The following NRK variants were observed in gnomAD, a reference collection of about 807,000 sequenced individuals.
NRK encodes the protein Nik related kinase.
NRK carries 67 observed loss-of-function variants against 125.2 expected under a neutral mutation model. The ratio of observed to expected loss-of-function variants is 0.54; its 90% CI spans 0.44 to 0.66. The LOEUF (loss-of-function observed/expected upper bound fraction) is 0.66, where lower values mean the gene tolerates loss of function less well. Among genes scored for constraint, NRK ranks in the 30% least tolerant of loss-of-function variants. The pLI is 0.00. For synonymous variants in NRK, 458 were observed against 429.0 expected, an observed-to-expected ratio of 1.07 and a Z score of -0.84; for missense variants, 1,224 against 1,192.9, an observed-to-expected ratio of 1.03 and a Z score of -0.38.
chrX:105,930,559 G>A (rs1349815192), intron 19 of NRK, among the ~76,000 whole-genome samples: 1 of 110,143 alleles, frequency 9.1e-6, no homozygotes, highest in African/African-American at 3.3e-5. Context: ...TTCCTTTTCT[G>A]GCACTTCACT....
At chrX:105,943,732 C>T (rs888634482) in intron 23 of NRK, among the ~76,000 whole-genome samples, 1 of 111,820 alleles carries the variant, frequency 8.9e-6, no homozygotes, top group Non-Finnish European at 1.9e-5. Flanking sequence ...ATTTAGAGTG[C>T]TCTTGAAGGC....
At chrX:105,939,208 G>A (rs1266990091) in intron 22 of NRK, among the ~76,000 whole-genome samples, 2 of 111,600 alleles carry the variant, frequency 1.8e-5, no homozygotes, top group African/African-American at 3.2e-5. Flanking sequence ...TAGAAATCAT[G>A]TAATAATAAA....
At chrX:105,921,855 C>CA (rs368347197) in intron 16 of NRK, 109 bp from the exon 17 acceptor site, 15,430 of 332,202 alleles carry the variant, frequency 0.046, 1,692 homozygotes, top group African/African-American at 0.37. Flanking sequence ...TAAAAATGAC[C>CA]AAGAAAAAAA....
At position 105,957,451 on chromosome X, in the gene NRK, T is replaced by C. The variant is rs1201091592; in HGVS notation, c.*1851T>C. On this transcript the variant is annotated 3_prime_UTR_variant, in exon 29 of 29. Coordinates refer to ENST00000243300, the MANE Select transcript of NRK (RefSeq NM_198465.4). ...AAAATTTCCTCATATACGTAGTGTG[T>C]AGAATCAAGTCTTTTAATAATTCAT... 1 of 112,109 alleles carries C rather than the reference T, an allele frequency of 8.9e-6. No individual in the cohort carries two copies. The highest frequency in any genetic ancestry group is 3.2e-5 in the African/African-American group (1 of 30,823). 9.2% of individuals were successfully genotyped at this position (112,109 alleles called of 1,213,427 possible). A position where few individuals can be genotyped will look rare whatever the true frequency, so the allele number is the denominator to read the frequency against.
At chrX:105,881,687 A>T in intron 3 of NRK, 21 bp from the exon 4 acceptor site, 3 of 1,007,773 alleles carry the variant, frequency 3.0e-6, no homozygotes, top group Non-Finnish European at 4.1e-6. Flanking sequence ...ACATCTAATA[A>T]CATTTTATTC....
chrX:105,822,909 A>T lies in NRK; in HGVS notation c.57+7A>T. The T allele has an allele frequency of 8.6e-7, 1 of 1,158,725 alleles. No individual in the cohort carries two copies. Among genetic ancestry groups the T allele is most frequent in the Non-Finnish European group, 1.2e-6 (1 of 865,010 alleles). On this transcript the variant is annotated splice_region_variant and intron_variant, in intron 1 of 28. Coordinates refer to ENST00000243300, the MANE Select transcript of NRK (RefSeq NM_198465.4). The stretch of plus-strand genomic sequence containing the variant: ...GGATCTGGGCCACCTGCCGGTGAGT[A>T]GAGGACGCCCGTCGCCCCCCGAAAT...
intron 19 of NRK, among the ~76,000 whole-genome samples, chrX:105,930,801 C>T (rs1399034517): frequency 1.8e-5 from 2 of 111,148 alleles, no homozygotes; most frequent in African/African-American, 6.6e-5. Flanking sequence ...TGGGTGGATG[C>T]AGCAGTGTGG....
At chrX:105,924,317 G>A (rs765565222) in intron 18 of NRK, among the ~76,000 whole-genome samples, 2 of 111,084 alleles carry the variant, frequency 1.8e-5, no homozygotes, top group African/African-American at 3.3e-5. Context: ...TTGTGGTTGA[G>A]CTAAAACATA....
chrX:105,939,576 G>T (rs1014863607), intron 22 of NRK, among the ~76,000 whole-genome samples: 1 of 110,899 alleles, frequency 9.0e-6, no homozygotes, highest in Non-Finnish European at 1.9e-5. Flanking sequence ...CAAATGAATG[G>T]ATGGTAATTA....
At chrX:105,914,807 C>A (rs2040345334) in intron 14 of NRK, among the ~76,000 whole-genome samples, 1 of 106,463 alleles carries the variant, frequency 9.4e-6, no homozygotes, top group Non-Finnish European at 1.9e-5. Flanking sequence ...ATGAGTTTAT[C>A]AGCATGCATA....
chrX:105,933,210 ATCT>A (rs2040619086), intron 19 of NRK, among the ~76,000 whole-genome samples: 2 of 110,231 alleles, frequency 1.8e-5, no homozygotes, highest in Admixed American at 1.9e-4. Flanking sequence ...CTATCTATCT[ATCT>A]ATCTTAATTA....
At position 105,929,850 on chromosome X, in the gene NRK, G is replaced by A. The variant is rs149319320; in HGVS notation, c.3313-4408G>A. ...CCATTTCTGAAGGATTGCTTTCCTG[G>A]TGATACTATTTTGGGCTATCAGGTT... On this transcript the variant is annotated intron_variant, in intron 19 of 28. Transcript: ENST00000243300. 2.0e-3 allele frequency among the ~76,000 whole-genome samples: 221 copies of A among 111,377 alleles called. 3 individuals carry two copies. Among genetic ancestry groups the A allele is most frequent in the East Asian group, 0.012 (41 of 3,525 alleles).
At chrX:105,839,479 GTTCCA>G (rs2039304060) in intron 2 of NRK, among the ~76,000 whole-genome samples, 1 of 111,559 alleles carries the variant, frequency 9.0e-6, no homozygotes, top group African/African-American at 3.3e-5. Context: ...CTATGTCTTG[GTTCCA>G]CCTTCATCCT....
chrX:105,843,977 C>CTGTGTGTGTG (rs751188822), intron 2 of NRK, among the ~76,000 whole-genome samples: 11 of 87,375 alleles, frequency 1.3e-4, no homozygotes, highest in African/African-American at 4.5e-4. Flanking sequence ...GTCCTGCACT[C>CTGTGTGTGTG]TGTGTGTGTG....
At chrX:105,864,108 A>G (rs1162515417) in intron 2 of NRK, among the ~76,000 whole-genome samples, 1 of 112,533 alleles carries the variant, frequency 8.9e-6, no homozygotes, top group Non-Finnish European at 1.9e-5. Flanking sequence ...TGTATAATGC[A>G]GAGATATGCT....
At chrX:105,853,299 T>A (rs2039494883) in intron 2 of NRK, among the ~76,000 whole-genome samples, 1 of 111,842 alleles carries the variant, frequency 8.9e-6, no homozygotes, top group Admixed American at 9.5e-5. Context: ...AATCTGTGTT[T>A]TAACAGATTA....
chrX:105,931,016 G>T (rs972413536), intron 19 of NRK, among the ~76,000 whole-genome samples: 1 of 112,201 alleles, frequency 8.9e-6, no homozygotes, highest in Non-Finnish European at 1.9e-5. Context: ...ACTTCTCTGG[G>T]CAAGAGTGTG....
At chrX:105,922,874 G>A (rs1358765775) in intron 17 of NRK, among the ~76,000 whole-genome samples, 2 of 111,247 alleles carry the variant, frequency 1.8e-5, no homozygotes, top group Non-Finnish European at 3.8e-5. Flanking sequence ...GAGCTGACAA[G>A]TATGGGTATT....
At chrX:105,882,690 A>G (rs1286048397) in intron 4 of NRK, among the ~76,000 whole-genome samples, 1 of 111,140 alleles carries the variant, frequency 9.0e-6, no homozygotes, top group Non-Finnish European at 1.9e-5. Flanking sequence ...CTTTCTAGTT[A>G]TATTAGAAAG....
Sources: allele counts gnomAD v4.1 joint callset (sites outside exome capture counted in the v4.1 genomes callset), GRCh38; gene constraint gnomAD v4.1.1; transcripts MANE v1.5; gene names NCBI Gene and HGNC (gene_info 2026-07-23, HGNC 2026-07-21).